The following FHIT variants were observed in gnomAD, a reference collection of about 807,000 sequenced individuals.
The protein encoded by FHIT is bis(5'-adenosyl)-triphosphatase.
In FHIT, 19 loss-of-function variants were observed where a neutral mutation model predicts 17.9. The ratio of observed to expected loss-of-function variants is 1.06; its 90% confidence interval spans 0.74 to 1.56. The LOEUF is 1.56. Among genes scored for constraint, FHIT ranks in the 40% most tolerant of loss-of-function variants. The pLI is 0.00. For missense variants in FHIT, 248 were observed against 189.2 expected (o/e 1.31, Z -1.82); for synonymous variants, 81 against 69.7 (o/e 1.16, Z -0.81).
Position 60,195,422 on chromosome 3 carries a change from A to G in FHIT, c.104-181270T>C, listed in dbSNP as rs555952571. On this transcript the variant is annotated intron_variant, in intron 5 of 9. Coordinates refer to ENST00000492590, the MANE Select transcript of FHIT (RefSeq NM_002012.4). Reference sequence around the variant, plus strand: ...CCAATACTGGGTTTCTACCGAAAGGAAAGTAAGTCATGAGATCAAAAAAGA... The same window carrying G: ...CCAATACTGGGTTTCTACCGAAAGGGAAGTAAGTCATGAGATCAAAAAAGA... 3.3e-5 allele frequency among the ~76,000 whole-genome samples: 5 copies of G among 151,696 alleles called. No homozygotes were observed. In the South Asian group the frequency reaches 6.2e-4, roughly 19 times the overall value.
chr3:60,259,963 T>C (rs1044388466), intron 5 of FHIT, among the ~76,000 whole-genome samples: 2 of 152,046 alleles, frequency 1.3e-5, no homozygotes, highest in Non-Finnish European at 2.9e-5. Context: ...TGGATACCCC[T>C]GTACCACTGG....
chr3:60,860,557 C>CAT (rs367728090), intron 3 of FHIT, among the ~76,000 whole-genome samples: 148 of 7,610 alleles, frequency 0.019, 35 homozygotes, highest in South Asian at 0.056. Flanking sequence ...ACATATGTAT[C>CAT]ATATATCAGG....
intron 2 of FHIT, among the ~76,000 whole-genome samples, chr3:61,199,699 G>A (rs1462383008): frequency 1.3e-5 from 2 of 151,984 alleles, no homozygotes; most frequent in Non-Finnish European, 2.9e-5. Context: ...AAATCAAAAT[G>A]GCTTTTCAAC....
intron 5 of FHIT, among the ~76,000 whole-genome samples, chr3:60,096,096 G>A (rs185036612): frequency 2.6e-5 from 4 of 152,126 alleles, no homozygotes; most frequent in African/African-American, 4.8e-5. Flanking sequence ...GGCCTCACTC[G>A]GCCATGCTAC....
At chr3:60,124,394 A>C (rs1705444524) in intron 5 of FHIT, among the ~76,000 whole-genome samples, 1 of 152,126 alleles carries the variant, frequency 6.6e-6, no homozygotes, top group African/African-American at 2.4e-5. Flanking sequence ...TTCAAAAAAA[A>C]ATACTTGAAT....
intron 5 of FHIT, among the ~76,000 whole-genome samples, chr3:60,045,592 T>C (rs889145157): frequency 2.0e-5 from 3 of 152,142 alleles, no homozygotes; most frequent in African/African-American, 4.8e-5. Flanking sequence ...GTTTTTTTAA[T>C]GGAAAATAAA....
At chr3:60,155,831 A>G (rs1224799152) in intron 5 of FHIT, among the ~76,000 whole-genome samples, 1 of 151,660 alleles carries the variant, frequency 6.6e-6, no homozygotes, top group Non-Finnish European at 1.5e-5. Context: ...CCCCACTCCA[A>G]CCTCCACCTC....
chr3:61,097,713 C>CT (rs1427940376), intron 2 of FHIT, among the ~76,000 whole-genome samples: 3 of 151,962 alleles, frequency 2.0e-5, no homozygotes, highest in East Asian at 1.9e-4. Context: ...TGATGTTGAG[C>CT]TTTTTTTTCA....
chr3:60,227,065 C>G (rs1030925197), intron 5 of FHIT, among the ~76,000 whole-genome samples: 1 of 152,032 alleles, frequency 6.6e-6, no homozygotes, highest in Non-Finnish European at 1.5e-5. Context: ...AAAATTCTCC[C>G]CATTTGTATA....
At chr3:60,023,880 T>A (rs1194953629) in intron 5 of FHIT, among the ~76,000 whole-genome samples, 1 of 152,118 alleles carries the variant, frequency 6.6e-6, no homozygotes, top group Non-Finnish European at 1.5e-5. Context: ...TTCTTTCTAA[T>A]GAATAATTTC....
chr3:60,112,871 T>C (rs572652529), intron 5 of FHIT, among the ~76,000 whole-genome samples: 1 of 152,322 alleles, frequency 6.6e-6, no homozygotes, highest in Admixed American at 6.5e-5. Context: ...GGCTATGGCA[T>C]AGAAGGCCTT....
chr3:60,161,004 T>A (rs1469757550), intron 5 of FHIT, among the ~76,000 whole-genome samples: 1 of 152,200 alleles, frequency 6.6e-6, no homozygotes, highest in African/African-American at 2.4e-5. Context: ...AGAAACAGTG[T>A]ATTTCTTTTG....
chr3:59,952,950 T>C (rs1270873088), intron 7 of FHIT, among the ~76,000 whole-genome samples: 1 of 151,948 alleles, frequency 6.6e-6, no homozygotes, highest in Non-Finnish European at 1.5e-5. Context: ...ACAATCTAAA[T>C]CTAGGGGTTC....
intron 2 of FHIT, among the ~76,000 whole-genome samples, chr3:61,166,054 G>A (rs1401681220): frequency 1.3e-5 from 2 of 152,156 alleles, no homozygotes; most frequent in African/African-American, 4.8e-5. Flanking sequence ...AGCGTGCATA[G>A]GGCTCTTAGG....
At chr3:60,641,135 A>G (rs1480190398) in intron 4 of FHIT, among the ~76,000 whole-genome samples, 1 of 152,076 alleles carries the variant, frequency 6.6e-6, no homozygotes, top group Non-Finnish European at 1.5e-5. Context: ...AGCCAAGATT[A>G]TGCCATTGCA....
At chr3:59,879,455 T>C (rs1817587) in intron 8 of FHIT, among the ~76,000 whole-genome samples, 15,123 of 152,190 alleles carry the variant, frequency 0.099, 2,454 homozygotes, top group African/African-American at 0.34. Context: ...AGATGTGTCC[T>C]AACAGCACTA....
At chr3:60,143,105 G>A (rs1450223525) in intron 5 of FHIT, among the ~76,000 whole-genome samples, 1 of 152,184 alleles carries the variant, frequency 6.6e-6, no homozygotes, top group South Asian at 2.1e-4. Context: ...TAAATGCCCA[G>A]AAAGAGAGAG....
At chr3:60,649,323 A>C (rs1391348562) in intron 4 of FHIT, among the ~76,000 whole-genome samples, 2 of 152,126 alleles carry the variant, frequency 1.3e-5, no homozygotes, top group African/African-American at 4.8e-5. Flanking sequence ...TGAGGCGTTA[A>C]CCTGGGAGGC....
At chr3:59,880,322 A>G (rs1251915838) in intron 8 of FHIT, among the ~76,000 whole-genome samples, 1 of 151,930 alleles carries the variant, frequency 6.6e-6, no homozygotes, top group Non-Finnish European at 1.5e-5. Flanking sequence ...CCCTTCATCC[A>G]GCTTAAATCT....
Sources: allele counts gnomAD v4.1 joint callset (sites outside exome capture counted in the v4.1 genomes callset), GRCh38; gene constraint gnomAD v4.1.1; transcripts MANE v1.5; gene names NCBI Gene and HGNC (gene_info 2026-07-23, HGNC 2026-07-21).